The following SMTN variants were observed in gnomAD, a reference collection of about 807,000 sequenced individuals.
The protein encoded by SMTN is smoothelin.
In SMTN, 58 loss-of-function variants were observed where a neutral mutation model predicts 102.0. The ratio of observed to expected loss-of-function variants is 0.57; its 90% CI spans 0.46 to 0.71. The LOEUF (loss-of-function observed/expected upper bound fraction) is 0.71. Ranked by LOEUF, SMTN falls within the 30% of genes least tolerant of loss-of-function variation. SMTN has a pLI of 0.00. For synonymous variants in SMTN, 478 were observed against 497.9 expected (o/e 0.96, Z 0.53); for missense variants, 1,185 against 1,241.7 (o/e 0.95, Z 0.69).
At chr22:31,073,321 C>T (rs7292038) in intron 1 of SMTN, among the ~76,000 whole-genome samples, 35,369 of 151,942 alleles carry the variant, frequency 0.23, 5,401 homozygotes, top group African/African-American at 0.44. Context: ...GGAAGCAATG[C>T]TTTGTGTTCT....
chr22:31,093,760 G>A (rs749023650), intron 11 of SMTN: 13 of 1,578,720 alleles, frequency 8.2e-6, no homozygotes, highest in East Asian at 2.3e-5. Context: ...CCTGGCTGCC[G>A]CCGACCCCGA....
chr22:31,096,775 G>T lies in SMTN; in HGVS notation c.1904G>T (p.Arg635Leu). The T allele has an allele frequency of 1.9e-6, 3 of 1,560,154 alleles. No individual in the cohort carries two copies. The highest frequency in any genetic ancestry group is 2.7e-5 in the African/African-American group (2 of 73,806). Reference sequence around the variant, plus strand: ...CGGGAACGGCGGCTGCAGGAGGCACGGGGCCGGCCAGGGGAGGGGCGCGGC... The same window carrying T: ...CGGGAACGGCGGCTGCAGGAGGCACTGGGCCGGCCAGGGGAGGGGCGCGGC... ...KERERRLQEA[R>L]GRPGEGRGNT... is the part of the protein sequence containing the mutation. The change falls in exon 14 of 21, where the codon CGG becomes CTG. Residue 635 changes from arginine to leucine, a missense_variant. Physicochemically the swap from Arg to Leu is moderately radical, Grantham distance 102 (BLOSUM62 -2). This residue lies in a region of SMTN where 1,096 missense variants were observed against 1,112.7 expected (regional missense o/e 0.98). Transcript: ENST00000333137.
intron 2 of SMTN, 158 bp from the exon 3 acceptor site, chr22:31,087,807 C>T (rs1045924321): frequency 2.9e-6 from 2 of 690,554 alleles, no homozygotes; most frequent in South Asian, 4.4e-5. Context: ...GCTGGGTCTA[C>T]CCCCGGGACC....
At chr22:31,097,458 C>G (rs759101954) in intron 16 of SMTN, 120 bp downstream of exon 16, 240 of 908,162 alleles carry the variant, frequency 2.6e-4, no homozygotes, top group Admixed American at 4.0e-4. Flanking sequence ...AATCCCAGCA[C>G]TTTGGGAGGC....
At position 31,089,090 on chromosome 22, in the gene SMTN, C is replaced by G. The variant is rs904304119; in HGVS notation, c.471+121C>G. 1.3e-5 allele frequency: 10 copies of G among 771,894 alleles called. No homozygotes were observed. In the African/African-American group the frequency reaches 1.4e-4, roughly 11 times the overall value. The allele number at this position is 771,894 out of a possible 1,614,324, so 47.8% of individuals were successfully genotyped here. A position where few individuals can be genotyped will look rare whatever the true frequency, so the allele number is the denominator to read the frequency against. On this transcript the variant is annotated intron_variant, in intron 6 of 20. Coordinates refer to ENST00000333137, the MANE Select transcript of SMTN (RefSeq NM_134269.3). ...AAGGGGCCCACCCCTGCCATCCAGC[C>G]TCTATTTAGCAGTCAGAGGGATCTC...
chr22:31,086,080 A>C (rs2042679276), intron 2 of SMTN, among the ~76,000 whole-genome samples: 1 of 152,212 alleles, frequency 6.6e-6, no homozygotes. Context: ...AATGTACCAC[A>C]GAAGGCTCTA....
At chr22:31,086,686 C>G (rs2042726519) in intron 2 of SMTN, among the ~76,000 whole-genome samples, 1 of 152,238 alleles carries the variant, frequency 6.6e-6, no homozygotes, top group East Asian at 1.9e-4. Context: ...ATCACCCAGC[C>G]AGGATTGGAC....
chr22:31,078,757 T>C (rs2042189806), upstream of SMTN, among the ~76,000 whole-genome samples: 1 of 152,172 alleles, frequency 6.6e-6, no homozygotes, highest in South Asian at 2.1e-4. Flanking sequence ...TGTGTGCCTG[T>C]AGTCCTAGCC....
Position 31,096,757 on chromosome 22 carries a change from G to A in SMTN, c.1886G>A (p.Arg629Gln), listed in dbSNP as rs200098335. Residue 629 changes from arginine to glutamine, a missense_variant, in exon 14 of 21, where the codon CGG becomes CAG. Arg to Gln is a conservative substitution (Grantham distance 43, BLOSUM62 1). This residue lies in a region of SMTN where 1,096 missense variants were observed against 1,112.7 expected (regional missense o/e 0.98). Coordinates refer to ENST00000333137, the MANE Select transcript of SMTN (RefSeq NM_134269.3). ...GACCAGCGGGACAAGGAGCGGGAAC[G>A]GCGGCTGCAGGAGGCACGGGGCCGG... The part of the protein sequence containing the change: ...KRDQRDKERE[R>Q]RLQEARGRPG... 1.8e-5 allele frequency: 28 copies of A among 1,553,478 alleles called. No homozygotes were observed. In the African/African-American group the frequency reaches 2.2e-4, roughly 12 times the overall value.
rs2147753244 is a variant in SMTN, at chr22:31,095,231, C to A, written c.1633-72C>A. On this transcript the variant is annotated intron_variant, in intron 11 of 20. Transcript: ENST00000333137. The surrounding 1 kb of genome is among the most constrained non-coding windows in gnomAD (Gnocchi z 4.1). ...GCCAGCAACCCTAGGATCTGCTTCC[C>A]TATCCATTGGAGACATGATGAGTTT... 1.3e-6 allele frequency: 2 copies of A among 1,503,038 alleles called. No homozygotes were observed. The highest frequency in any genetic ancestry group is 1.2e-5 in the South Asian group (1 of 84,920). The allele number at this position is 1,503,038 out of a possible 1,614,324, so 93.1% of individuals were successfully genotyped here.
intron 10 of SMTN, 63 bp from the exon 11 acceptor site, chr22:31,091,612 C>G: frequency 6.6e-7 from 1 of 1,526,190 alleles, no homozygotes; most frequent in East Asian, 2.3e-5. Context: ...GCATTATCAA[C>G]CTTGTCTGGC....
rs1177627000 is a variant in SMTN, at chr22:31,088,573, G to A, written c.261G>A (p.Glu87=). 6.2e-7 allele frequency: 1 copy of A among 1,613,874 alleles called. No individual in the cohort carries two copies. Among genetic ancestry groups the A allele is most frequent in the South Asian group, 1.1e-5 (1 of 91,086 alleles). The change falls in exon 4 of 21, where the codon GAG becomes GAA. Residue 87 remains glutamate, a synonymous_variant. Coordinates refer to ENST00000333137, the MANE Select transcript of SMTN (RefSeq NM_134269.3). The part of the protein sequence containing the change: ...AALARLAGQL[E]SMNDVEELTA... ...TGGCACGGCTGGCAGGGCAGCTGGA[G>A]TCCATGAACGATGTGGAGGAATTGA...
Position 31,095,969 on chromosome 22 carries a change from T to C in SMTN, c.1861+360T>C. On this transcript the variant is annotated intron_variant, in intron 13 of 20. Transcript: ENST00000333137. The surrounding 1 kb of genome is among the most constrained non-coding windows in gnomAD (Gnocchi z 4.1). ...CTTCTCCCTGCTGCTCCTCTCTCCC[T>C]GAAGTCCATTGATGGCCATCTTAGC... The C allele has an allele frequency of 2.8e-6, 1 of 351,494 alleles. No homozygotes were observed. Among genetic ancestry groups the C allele is most frequent in the Non-Finnish European group, 5.3e-6 (1 of 188,952 alleles). The allele number at this position is 351,494 out of a possible 1,614,324, so 21.8% of individuals were successfully genotyped here.
In SMTN at chr22:31,071,696, C is replaced by CTCT. The variant is rs1555958530; in HGVS notation, c.-386+7510_-386+7511insCTT. 4.6e-5 allele frequency among the ~76,000 whole-genome samples: 4 copies of CTCT among 87,796 alleles called. No individual in the cohort carries two copies. In the East Asian group the frequency reaches 7.6e-4, roughly 17 times the overall value. 57.6% of individuals were successfully genotyped at this position (87,796 alleles called of 152,430 possible). Reference sequence around the variant, plus strand: ...GCTCTCTCTTTCTCTCTCTCTCTCTCTTTTTTTTTTTTTTTTGGAGGCAGA... The same window carrying CTCT: ...GCTCTCTCTTTCTCTCTCTCTCTCTCTCTTTTTTTTTTTTTTTTTGGAGGCAGA... On this transcript the variant is annotated intron_variant, in intron 1 of 3. Coordinates refer to the SMTN transcript ENST00000422839.
At chr22:31,089,204 C>G (rs1200949063) in intron 6 of SMTN, among the ~76,000 whole-genome samples, 1 of 152,198 alleles carries the variant, frequency 6.6e-6, no homozygotes, top group Admixed American at 6.5e-5. Context: ...ACATCTTTAC[C>G]TTGGCTTATG....
Position 31,090,840 on chromosome 22 carries a change from C to T in SMTN, c.898C>T (p.Leu300=), listed in dbSNP as rs1298671951. 6.2e-7 allele frequency: 1 copy of T among 1,613,970 alleles called. No individual in the cohort carries two copies. Among genetic ancestry groups the T allele is most frequent in the South Asian group, 1.1e-5 (1 of 91,082 alleles). Residue 300 remains leucine (L), a synonymous_variant, in exon 9 of 21, where the codon CTG becomes TTG. Coordinates refer to ENST00000333137, the MANE Select transcript of SMTN (RefSeq NM_134269.3). ...TGGACCCCGACCCTGCCAACGCTCC[C>T]TGTCGGTGCTCAGCCCCCGCCAACC... The part of the protein sequence containing the change: ...VAGPRPCQRS[L]SVLSPRQPAQ...
intron 19 of SMTN, 46 bp downstream of exon 19, chr22:31,099,942 C>A: frequency 1.3e-6 from 2 of 1,596,216 alleles, no homozygotes; most frequent in Non-Finnish European, 1.7e-6. Context: ...ACATCTGGGG[C>A]TGGACATCGG....
rs2147846847 is a variant in SMTN, at chr22:31,104,560, CTGTT to C, written c.*266_*269del. The C allele has an allele frequency of 7.9e-7, 1 of 1,271,576 alleles. No homozygotes were observed. The highest frequency in any genetic ancestry group is 1.8e-5 in the Admixed American group (1 of 56,726). The allele number at this position is 1,271,576 out of a possible 1,614,324, so 78.8% of individuals were successfully genotyped here. ...GTGCGTCCGCCCACCGCTGCCCTGTCTGTTGCGACACCCTCCCCCCCACATACAC... is the reference window on the plus strand; with the variant it reads ...GTGCGTCCGCCCACCGCTGCCCTGTCGCGACACCCTCCCCCCCACATACAC... On this transcript the variant is annotated 3_prime_UTR_variant, in exon 21 of 21. Coordinates refer to ENST00000333137, the MANE Select transcript of SMTN (RefSeq NM_134269.3).
chr22:31,066,596 C>G (rs901290089), intron 1 of SMTN: 2 of 152,158 alleles, frequency 1.3e-5, no homozygotes, highest in East Asian at 1.9e-4. Flanking sequence ...CGTGAGCCAC[C>G]GTGCCCAGCC....
Sources: gnomAD v4.1 joint callset for allele counts (sites outside exome capture counted in the v4.1 genomes callset) on GRCh38, gnomAD v4.1.1 for gene constraint, gnomAD v4.1.1 regional missense constraint, Gnocchi (gnomAD v3.1) non-coding constraint, MANE v1.5 for transcripts, NCBI Gene and HGNC (gene_info 2026-07-23, HGNC 2026-07-21) for gene names.